Variants in CD96 observed in about 807,000 individuals in gnomAD.
CD96 encodes CD96 molecule.
Under a neutral mutation model 71.3 loss-of-function variants are expected in CD96, and 70 were observed. The ratio of observed to expected loss-of-function variants is 0.98; its 90% CI spans 0.81 to 1.20. CD96 has a LOEUF of 1.20. Among genes scored for constraint, CD96 ranks in the 50% most tolerant of loss-of-function variants. CD96 has a pLI of 0.00. For synonymous variants in CD96, 248 were observed against 233.0 expected (o/e 1.06, Z -0.59); for missense variants, 742 against 677.5 (o/e 1.10, Z -1.06).
At chr3:111,613,240 A>G (rs1576390347) in intron 8 of CD96, among the ~76,000 whole-genome samples, 1 of 152,248 alleles carries the variant, frequency 6.6e-6, no homozygotes, top group East Asian at 1.9e-4. Context: ...AGTTTATTTC[A>G]TAATTATTGA....
intron 2 of CD96, among the ~76,000 whole-genome samples, chr3:111,567,162 A>G (rs773564607): frequency 1.3e-5 from 2 of 152,210 alleles, no homozygotes; most frequent in Non-Finnish European, 1.5e-5. Context: ...GTCCAACAAA[A>G]TAAAAAGACA....
chr3:111,636,755 C>T (rs904507583), intron 10 of CD96, among the ~76,000 whole-genome samples: 3 of 152,194 alleles, frequency 2.0e-5, no homozygotes, highest in African/African-American at 4.8e-5. Flanking sequence ...TGTCAGCTGA[C>T]CCACAAGTAC....
intron 2 of CD96, among the ~76,000 whole-genome samples, chr3:111,547,385 C>T (rs554165121): frequency 1.3e-5 from 2 of 152,198 alleles, no homozygotes; most frequent in South Asian, 4.2e-4. Flanking sequence ...AATGTTAGTA[C>T]AAGTACACAT....
intron 14 of CD96, among the ~76,000 whole-genome samples, chr3:111,660,318 C>T (rs931793897): frequency 5.9e-5 from 9 of 152,218 alleles, no homozygotes; most frequent in Admixed American, 5.2e-4. Flanking sequence ...AGGAAGTGAA[C>T]AATCTCTACA....
chr3:111,551,779 T>C (rs889209911), intron 2 of CD96, among the ~76,000 whole-genome samples: 5 of 152,142 alleles, frequency 3.3e-5, no homozygotes, highest in African/African-American at 1.2e-4. Flanking sequence ...GAATGATTTA[T>C]AACAGAATGA....
intron 2 of CD96, among the ~76,000 whole-genome samples, chr3:111,547,045 T>A (rs912091670): frequency 1.3e-5 from 2 of 152,146 alleles, no homozygotes; most frequent in Admixed American, 6.5e-5. Context: ...TTGATTCAGG[T>A]AGCCTGTATT....
chr3:111,626,000 A>G (rs945365387), intron 10 of CD96, among the ~76,000 whole-genome samples: 4 of 152,206 alleles, frequency 2.6e-5, no homozygotes, highest in East Asian at 1.9e-4. Context: ...GGCTAGAAAC[A>G]TCTAAAGAAA....
At chr3:111,553,170 TG>T (rs1264827761) in intron 2 of CD96, among the ~76,000 whole-genome samples, 5 of 146,540 alleles carry the variant, frequency 3.4e-5, no homozygotes, top group African/African-American at 1.4e-4. Flanking sequence ...TGTTATATTT[TG>T]TTTTTTTTTT....
intron 3 of CD96, among the ~76,000 whole-genome samples, chr3:111,570,294 G>A (rs1418177145): frequency 6.6e-6 from 1 of 152,008 alleles, no homozygotes; most frequent in Non-Finnish European, 1.5e-5. Context: ...ATAGGTCTAG[G>A]GTCTTCTTTG....
At position 111,649,746 on chromosome 3, in the gene CD96, C is replaced by T. The variant is rs899793472; in HGVS notation, c.1650C>T (p.Tyr550=). 1 of 1,614,052 alleles carries T rather than the reference C, an allele frequency of 6.2e-7. No individual in the cohort carries two copies. The highest frequency in any genetic ancestry group is 8.5e-7 in the Non-Finnish European group (1 of 1,179,860). ...PFKPPPPPIK[Y]TCIQEPNESD... is the part of the protein sequence containing the mutation. The stretch of plus-strand genomic sequence containing the variant: ...AGCCACCACCACCTCCCATCAAGTA[C>T]ACTTGCATTCAAGAGCCCAACGAAA... The change falls in exon 14 of 14, where the codon TAC becomes TAT. Residue 550 remains tyrosine (Y), a synonymous_variant. Transcript: ENST00000352690.
intron 3 of CD96, among the ~76,000 whole-genome samples, chr3:111,578,050 A>G (rs1050354304): frequency 5.9e-5 from 9 of 152,322 alleles, no homozygotes; most frequent in Admixed American, 3.3e-4. Context: ...TAGAATCTCT[A>G]GAAGACAAGC....
intron 4 of CD96, among the ~76,000 whole-genome samples, chr3:111,579,916 C>T (rs1559733316): frequency 6.6e-6 from 1 of 152,154 alleles, no homozygotes; most frequent in Non-Finnish European, 1.5e-5. Context: ...TTCCTGGTGA[C>T]CACTATCTTA....
At chr3:111,562,329 C>T (rs57681416) in intron 2 of CD96, among the ~76,000 whole-genome samples, 12,585 of 152,160 alleles carry the variant, frequency 0.083, 573 homozygotes, top group African/African-American at 0.11. Context: ...GGTCACACAT[C>T]CCTGATTCCT....
chr3:111,649,605 GT>G (rs887192323), intron 13 of CD96, 92 bp from the exon 14 acceptor site: 52 of 849,280 alleles, frequency 6.1e-5, no homozygotes, highest in Non-Finnish European at 9.5e-5. Context: ...ATCAATCTGT[GT>G]TCTCCTTTAA....
intron 6 of CD96, among the ~76,000 whole-genome samples, chr3:111,599,869 T>C (rs1424765424): frequency 6.6e-6 from 1 of 152,386 alleles, no homozygotes; most frequent in South Asian, 2.1e-4. Context: ...CTTTGGTAAG[T>C]AATTACATCA....
intron 10 of CD96, among the ~76,000 whole-genome samples, chr3:111,626,208 G>C (rs867689354): frequency 1.3e-5 from 2 of 150,398 alleles, no homozygotes; most frequent in Non-Finnish European, 2.9e-5. Flanking sequence ...GGCTGAGGCA[G>C]GAGAATGGTG....
At chr3:111,657,757 C>T (rs1940268011) in intron 14 of CD96, among the ~76,000 whole-genome samples, 1 of 151,988 alleles carries the variant, frequency 6.6e-6, no homozygotes, top group Non-Finnish European at 1.5e-5. Context: ...TCAATGCAAA[C>T]TCATGATTTC....
chr3:111,628,167 C>G lies in CD96; in HGVS notation c.1321+3763C>G, dbSNP rs2107725663. On this transcript the variant is annotated intron_variant, in intron 10 of 13. Transcript: ENST00000352690. ...TGCCCAGCAATGGTTCAGATCTGGG[C>G]TAAGGCTGAGATCACTGAAATGACA... Among the ~76,000 whole-genome samples the G allele has an allele frequency of 2.0e-5, 3 of 152,332 alleles. No homozygotes were observed. The Middle Eastern group carries it at 0.01, about 518-fold the overall frequency.
chr3:111,558,435 A>G (rs1484832600), intron 2 of CD96, among the ~76,000 whole-genome samples: 83 of 121,924 alleles, frequency 6.8e-4, no homozygotes, highest in Non-Finnish European at 8.6e-4. Context: ...GAATTTTGTC[A>G]AAGGCTTTTT....
Sources: allele counts gnomAD v4.1 joint callset (sites outside exome capture counted in the v4.1 genomes callset), GRCh38; gene constraint gnomAD v4.1.1; transcripts MANE v1.5; gene names NCBI Gene and HGNC (gene_info 2026-07-23, HGNC 2026-07-21).